The following DNAJC6 variants were observed in gnomAD, a reference collection of about 807,000 sequenced individuals.
The protein encoded by DNAJC6 is auxilin.
DNAJC6 carries 34 observed loss-of-function variants against 110.0 expected under a neutral mutation model. That is an observed-to-expected ratio of 0.31 (90% CI 0.24 to 0.41). The LOEUF (loss-of-function observed/expected upper bound fraction) is 0.41. DNAJC6 is among the 10% of genes least tolerant of loss of function. DNAJC6 has a pLI of 1.00. For missense variants in DNAJC6, 1,031 were observed against 1,207.8 expected, an observed-to-expected ratio of 0.85 and a Z score of 2.17; for synonymous variants, 406 against 437.2, an observed-to-expected ratio of 0.93 and a Z score of 0.89.
intron 1 of DNAJC6, among the ~76,000 whole-genome samples, chr1:65,363,480 AG>A (rs1645617177): frequency 6.6e-6 from 1 of 152,166 alleles, no homozygotes; most frequent in African/African-American, 2.4e-5. Context: ...TCACATTGAC[AG>A]TTAAATGTAC....
intron 4 of DNAJC6, among the ~76,000 whole-genome samples, chr1:65,375,068 G>C (rs1645747513): frequency 6.6e-6 from 1 of 151,090 alleles, no homozygotes; most frequent in Admixed American, 6.6e-5. Context: ...GATTCAAGCA[G>C]TTCTCCTGCC....
chr1:65,265,395 A>C (rs2101142700), intron 1 of DNAJC6, among the ~76,000 whole-genome samples: 1 of 152,308 alleles, frequency 6.6e-6, no homozygotes, highest in South Asian at 2.1e-4. Context: ...AATGAACATT[A>C]ATCTTTTTAG....
At chr1:65,283,465 G>A (rs1653916483) in intron 1 of DNAJC6, among the ~76,000 whole-genome samples, 2 of 152,116 alleles carry the variant, frequency 1.3e-5, no homozygotes, top group South Asian at 4.1e-4. Context: ...GTCGTTGGAT[G>A]TACAACATGC....
In DNAJC6 at chr1:65,302,787, G is replaced by A. The variant is rs191888529; in HGVS notation, c.-131+37855G>A. On this transcript the variant is annotated intron_variant, in intron 1 of 19. Coordinates refer to the DNAJC6 transcript ENST00000263441. The stretch of plus-strand genomic sequence containing the variant: ...CCTGACCTCATGATCCACCCGCCTC[G>A]GCCTCCCAAAGTGCTGGGATTACAG... Among the ~76,000 whole-genome samples, 555 of 150,944 alleles carry A rather than the reference G, an allele frequency of 3.7e-3. 7 individuals are homozygous for A. The highest frequency in any genetic ancestry group is 0.013 in the African/African-American group (524 of 41,054).
intron 4 of DNAJC6, 93 bp from the exon 5 acceptor site, chr1:65,379,309 T>C: frequency 6.7e-7 from 1 of 1,489,076 alleles, no homozygotes; most frequent in Non-Finnish European, 9.2e-7. Context: ...GAGGATGTGG[T>C]ATCACTTCCA....
At chr1:65,351,799 C>T (rs1411496914) in intron 1 of DNAJC6, among the ~76,000 whole-genome samples, 10 of 152,066 alleles carry the variant, frequency 6.6e-5, no homozygotes. Flanking sequence ...GAGTTTCGCT[C>T]TTGTTGCCCA....
chr1:65,393,494 T>C (rs1055238125), intron 12 of DNAJC6, among the ~76,000 whole-genome samples: 1 of 152,198 alleles, frequency 6.6e-6, no homozygotes, highest in East Asian at 1.9e-4. Context: ...TTTGAAAATA[T>C]GTTTAAGTGA....
At chr1:65,324,382 T>A (rs1645223219) in intron 1 of DNAJC6, among the ~76,000 whole-genome samples, 1 of 151,726 alleles carries the variant, frequency 6.6e-6, no homozygotes, top group African/African-American at 2.4e-5. Context: ...TTTTTTAAGA[T>A]GGAGTCTTGC....
At chr1:65,306,669 T>C (rs1430995188), upstream of DNAJC6, 3 of 152,214 alleles carry the variant, frequency 2.0e-5, no homozygotes, top group East Asian at 5.8e-4. Context: ...GTCTCATGTA[T>C]GATGTAGTAT....
intron 1 of DNAJC6, among the ~76,000 whole-genome samples, chr1:65,350,221 T>C (rs536670844): frequency 1.3e-5 from 2 of 152,332 alleles, no homozygotes; most frequent in East Asian, 3.9e-4. Flanking sequence ...CTGTTTTTAA[T>C]TTCTGTCGAC....
At chr1:65,370,483 G>A (rs1233812952) in intron 4 of DNAJC6, among the ~76,000 whole-genome samples, 1 of 152,190 alleles carries the variant, frequency 6.6e-6, no homozygotes, top group Non-Finnish European at 1.5e-5. Context: ...CAGAATATCA[G>A]GAACCTTTAC....
intron 1 of DNAJC6, among the ~76,000 whole-genome samples, chr1:65,301,378 C>A (rs1644977049): frequency 6.6e-6 from 1 of 152,134 alleles, no homozygotes; most frequent in Non-Finnish European, 1.5e-5. Context: ...TGCGTGTCCT[C>A]CAATTCTGAA....
chr1:65,315,098 A>G (rs1388501552), intron 1 of DNAJC6, among the ~76,000 whole-genome samples: 8 of 152,172 alleles, frequency 5.3e-5, no homozygotes, highest in Non-Finnish European at 1.5e-5. Context: ...TCTGTTCTCT[A>G]GATACAAATT....
intron 12 of DNAJC6, among the ~76,000 whole-genome samples, chr1:65,394,068 C>A (rs1241584029): frequency 6.6e-6 from 1 of 151,426 alleles, no homozygotes; most frequent in African/African-American, 2.4e-5. Context: ...AAAAAAAGCT[C>A]TGTCAGGAAA....
At chr1:65,385,679 G>A in intron 6 of DNAJC6, 33 bp from the exon 7 acceptor site, 1 of 1,448,026 alleles carries the variant, frequency 6.9e-7, no homozygotes, top group Non-Finnish European at 9.2e-7. Context: ...CTGATGTGAT[G>A]GGCCCCAAGA....
intron 1 of DNAJC6, among the ~76,000 whole-genome samples, chr1:65,316,692 A>C (rs988840001): frequency 6.6e-6 from 1 of 152,226 alleles, no homozygotes; most frequent in African/African-American, 2.4e-5. Flanking sequence ...TTTTAACAGA[A>C]ATGAGGCCAG....
chr1:65,305,780 A>G (rs1645031515), upstream of DNAJC6, among the ~76,000 whole-genome samples: 1 of 152,214 alleles, frequency 6.6e-6, no homozygotes. Context: ...CATAATGATA[A>G]CAAATCTCTT....
At chr1:65,371,269 G>T (rs1461314351) in intron 4 of DNAJC6, among the ~76,000 whole-genome samples, 3 of 152,070 alleles carry the variant, frequency 2.0e-5, no homozygotes, top group Non-Finnish European at 2.9e-5. Context: ...AATTACCCTA[G>T]GTTCACATCT....
chr1:65,375,940 A>T (rs563670962), intron 4 of DNAJC6, among the ~76,000 whole-genome samples: 1 of 152,020 alleles, frequency 6.6e-6, no homozygotes, highest in Non-Finnish European at 1.5e-5. Context: ...TTCCATTTTT[A>T]AAAAATAGTT....
Sources: gnomAD v4.1 joint callset for allele counts (sites outside exome capture counted in the v4.1 genomes callset) on GRCh38, gnomAD v4.1.1 for gene constraint, MANE v1.5 for transcripts, NCBI Gene and HGNC (gene_info 2026-07-23, HGNC 2026-07-21) for gene names.